PDE3A: variants seen among roughly 807,000 people sequenced by gnomAD.
The protein encoded by PDE3A is phosphodiesterase 3A.
Under a neutral mutation model 98.3 loss-of-function variants are expected in PDE3A, and 43 were observed. The observed-to-expected ratio is 0.44, with a 90% CI of 0.34 to 0.56. The LOEUF is 0.56. Ranked by LOEUF, PDE3A falls within the 20% of genes least tolerant of loss-of-function variation. The probability of loss-of-function intolerance (pLI) is 0.01; values close to 1 mark genes in which losing one functional copy is unlikely to be tolerated. For synonymous variants in PDE3A, 663 were observed against 567.9 expected, an observed-to-expected ratio of 1.17 and a Z score of -2.38; for missense variants, 1,427 against 1,440.7, an observed-to-expected ratio of 0.99 and a Z score of 0.15.
Position 20,637,256 on chromosome 12 carries a change from C to T in PDE3A, c.2139+19C>T, listed in dbSNP as rs764504429. 1 of 1,571,664 alleles carries T rather than the reference C, an allele frequency of 6.4e-7. No individual in the cohort carries two copies. ...TAGTCAGGTAAGAAATGCATTCATT[C>T]ACACTAATTTAAATATAGGAAAAAC... On this transcript the variant is annotated intron_variant, in intron 9 of 15. Coordinates refer to ENST00000359062, the MANE Select transcript of PDE3A (RefSeq NM_000921.5).
At chr12:20,500,439 C>A (rs1420366794) in intron 1 of PDE3A, among the ~76,000 whole-genome samples, 2 of 152,132 alleles carry the variant, frequency 1.3e-5, no homozygotes, top group Non-Finnish European at 2.9e-5. Flanking sequence ...TATCTTTATA[C>A]TCTGAAGAGA....
intron 1 of PDE3A, among the ~76,000 whole-genome samples, chr12:20,458,831 C>A (rs190250486): frequency 2.2e-4 from 33 of 152,184 alleles, no homozygotes; most frequent in Non-Finnish European, 3.4e-4. Flanking sequence ...TGGATACAGC[C>A]TTTGAGGCCA....
chr12:20,560,809 G>A (rs1027382553), intron 2 of PDE3A, among the ~76,000 whole-genome samples: 18 of 152,134 alleles, frequency 1.2e-4, no homozygotes, highest in African/African-American at 4.3e-4. Flanking sequence ...CTTTCTTCCA[G>A]AGTGGTCCTT....
intron 1 of PDE3A, among the ~76,000 whole-genome samples, chr12:20,376,288 C>T (rs1943569752): frequency 6.6e-6 from 1 of 151,748 alleles, no homozygotes; most frequent in African/African-American, 2.4e-5. Context: ...TGAAGATAGC[C>T]CAAGGCAAGA....
At chr12:20,674,973 A>G (rs1945595355) in intron 15 of PDE3A, among the ~76,000 whole-genome samples, 1 of 151,630 alleles carries the variant, frequency 6.6e-6, no homozygotes, top group Non-Finnish European at 1.5e-5. Context: ...CTTTTATTCT[A>G]CTACTTTGTG....
At chr12:20,551,649 C>T in intron 1 of PDE3A, 1 of 1,594,650 alleles carries the variant, frequency 6.3e-7, no homozygotes, top group South Asian at 1.1e-5. Flanking sequence ...ACATGGCCTT[C>T]CACATCTACT....
chr12:20,648,207 G>A (rs1944821781), intron 12 of PDE3A, among the ~76,000 whole-genome samples: 2 of 151,494 alleles, frequency 1.3e-5, no homozygotes, highest in Non-Finnish European at 2.9e-5. Context: ...TTTAAGAGGA[G>A]ATAATGCTTA....
chr12:20,672,938 A>G (rs1483495726), intron 15 of PDE3A, among the ~76,000 whole-genome samples: 2 of 148,808 alleles, frequency 1.3e-5, no homozygotes, highest in Non-Finnish European at 3.0e-5. Flanking sequence ...GAAAATTTTC[A>G]CAACCTACTC....
At chr12:20,459,030 T>A (rs1347468522) in intron 1 of PDE3A, among the ~76,000 whole-genome samples, 4 of 152,140 alleles carry the variant, frequency 2.6e-5, no homozygotes, top group African/African-American at 9.7e-5. Flanking sequence ...TGGAAATAAG[T>A]CAAATGTTAG....
intron 5 of PDE3A, among the ~76,000 whole-genome samples, chr12:20,628,398 C>T (rs1020529481): frequency 6.6e-6 from 1 of 152,158 alleles, no homozygotes; most frequent in Non-Finnish European, 1.5e-5. Context: ...TAAAAACCAT[C>T]AGGCATGACG....
Position 20,552,637 on chromosome 12 carries a change from A to T in PDE3A, c.961-4023A>T. 6.2e-7 allele frequency: 1 copy of T among 1,613,830 alleles called. No individual in the cohort carries two copies. Among genetic ancestry groups the T allele is most frequent in the Non-Finnish European group, 8.5e-7 (1 of 1,179,816 alleles). ...CCCGCGCCGGACATCCAAGAAAACC[A>T]AGGTGGAGCCCTACAGTCTCACGGC... On this transcript the variant is annotated intron_variant, in intron 1 of 15. Coordinates refer to ENST00000359062, the MANE Select transcript of PDE3A (RefSeq NM_000921.5). This position sits in a 1 kb window ranked among gnomAD's most constrained non-coding sequence, Gnocchi z 5.1.
rs200380546 is a variant in PDE3A, at chr12:20,419,807, C to T, written c.960+49563C>T. On this transcript the variant is annotated intron_variant, in intron 1 of 15. Coordinates refer to ENST00000359062, the MANE Select transcript of PDE3A (RefSeq NM_000921.5). ...GGCTGGAGTGCAGTGGCTGTGATCT[C>T]GGCTCACTGCAACATCTGCCTCCGA... Among the ~76,000 whole-genome samples the T allele has an allele frequency of 1.8e-4, 25 of 140,118 alleles. No homozygotes were observed. In the East Asian group the frequency reaches 2.4e-3, roughly 13 times the overall value. 91.9% of individuals were successfully genotyped at this position (140,118 alleles called of 152,430 possible).
At chr12:20,570,164 T>C (rs1010480849) in intron 2 of PDE3A, among the ~76,000 whole-genome samples, 4 of 152,028 alleles carry the variant, frequency 2.6e-5, no homozygotes, top group Non-Finnish European at 4.4e-5. Flanking sequence ...TCCCAGTGCT[T>C]TGGGAGGCCA....
intron 1 of PDE3A, among the ~76,000 whole-genome samples, chr12:20,492,653 T>C (rs113917160): frequency 0.062 from 9,410 of 152,054 alleles, 1,012 homozygotes; most frequent in African/African-American, 0.22. Context: ...GCTGTGGCTA[T>C]GGGTAGAGAA....
intron 1 of PDE3A, among the ~76,000 whole-genome samples, chr12:20,434,140 G>T (rs899130367): frequency 6.6e-6 from 1 of 150,910 alleles, no homozygotes; most frequent in South Asian, 2.1e-4. Context: ...TTGTTCATTT[G>T]TCAAATCAAG....
At chr12:20,477,342 A>G (rs2120991335) in intron 1 of PDE3A, among the ~76,000 whole-genome samples, 1 of 152,356 alleles carries the variant, frequency 6.6e-6, no homozygotes, top group Admixed American at 6.5e-5. Context: ...TATCACAGCA[A>G]AAACAAACAC....
chr12:20,419,736 G>GTTTTTT (rs1355196559), intron 1 of PDE3A, among the ~76,000 whole-genome samples: 1 of 53,106 alleles, frequency 1.9e-5, no homozygotes, highest in Admixed American at 3.6e-4. Context: ...ATTTAATATT[G>GTTTTTT]TATTTTTTTT....
intron 1 of PDE3A, among the ~76,000 whole-genome samples, chr12:20,484,559 C>A (rs370268394): frequency 1.3e-5 from 2 of 152,334 alleles, no homozygotes; most frequent in South Asian, 2.1e-4. Context: ...ACACTGGTAT[C>A]TATTAATGGC....
intron 9 of PDE3A, among the ~76,000 whole-genome samples, chr12:20,638,944 T>C (rs1003961573): frequency 6.6e-6 from 1 of 152,102 alleles, no homozygotes; most frequent in Non-Finnish European, 1.5e-5. Flanking sequence ...ATAGTAAATA[T>C]TCAACCCAGG....
Sources: gnomAD v4.1 joint callset for allele counts (sites outside exome capture counted in the v4.1 genomes callset) on GRCh38, gnomAD v4.1.1 for gene constraint, Gnocchi (gnomAD v3.1) non-coding constraint, MANE v1.5 for transcripts, NCBI Gene and HGNC (gene_info 2026-07-23, HGNC 2026-07-21) for gene names.